Variants in GNB4 observed in about 807,000 individuals in gnomAD.
The protein encoded by GNB4 is G protein subunit beta 4, also known as guanine nucleotide-binding protein subunit beta-4.
A neutral mutation model predicts 45.2 loss-of-function variants in GNB4; 28 were observed. The observed-to-expected ratio is 0.62, with a 90% confidence interval of 0.46 to 0.85. The LOEUF (loss-of-function observed/expected upper bound fraction) is 0.85, where lower values mean the gene tolerates loss of function less well. Ranked by LOEUF, GNB4 falls within the 40% of genes least tolerant of loss-of-function variation. GNB4 has a pLI of 0.00. For missense variants in GNB4, 321 were observed against 425.4 expected, an observed-to-expected ratio of 0.75 and a Z score of 2.16; for synonymous variants, 132 against 143.7, an observed-to-expected ratio of 0.92 and a Z score of 0.58.
the GNB4 span, among the ~76,000 whole-genome samples, chr3:179,480,995 C>T: frequency 4.0e-5 from 6 of 151,764 alleles, no homozygotes; most frequent in East Asian, 1.9e-4. Context: ...GGATTACAGG[C>T]GCCCGCCACC....
chr3:179,464,481 G>A, the GNB4 span: 1 of 1,611,224 alleles, frequency 6.2e-7, no homozygotes, highest in Non-Finnish European at 8.5e-7. Context: ...AAGGAAACTG[G>A]CCCAGCAGAT....
intron 1 of GNB4, among the ~76,000 whole-genome samples, chr3:179,447,118 A>G (rs980104538): frequency 2.6e-5 from 4 of 152,156 alleles, no homozygotes; most frequent in African/African-American, 9.7e-5. Context: ...GCTATTTTCA[A>G]ATAAATTAAG....
the GNB4 span, among the ~76,000 whole-genome samples, chr3:179,523,420 T>C: frequency 6.6e-6 from 1 of 152,094 alleles, no homozygotes; most frequent in Non-Finnish European, 1.5e-5. Context: ...CAGAACAGAA[T>C]AATGGGTTGT....
intron 8 of GNB4, among the ~76,000 whole-genome samples, chr3:179,413,190 A>G (rs780149819): frequency 6.6e-6 from 1 of 152,084 alleles, no homozygotes; most frequent in Non-Finnish European, 1.5e-5. Flanking sequence ...AAACAAAAAA[A>G]TAACAACAAA....
At chr3:179,438,136 C>T (rs1300498266) in intron 1 of GNB4, among the ~76,000 whole-genome samples, 4 of 152,152 alleles carry the variant, frequency 2.6e-5, no homozygotes, top group Non-Finnish European at 5.9e-5. Flanking sequence ...AGGAGTTAGC[C>T]AACTAAGAGA....
chr3:179,463,117 T>C, the GNB4 span, among the ~76,000 whole-genome samples: 1 of 152,330 alleles, frequency 6.6e-6, no homozygotes, highest in Non-Finnish European at 1.5e-5. Context: ...GTTCAATTAC[T>C]GGAAGGAGTT....
the GNB4 span, chr3:179,464,732 C>A: frequency 1.8e-6 from 2 of 1,084,052 alleles, no homozygotes; most frequent in Non-Finnish European, 1.4e-6. Context: ...TAGATGGCCT[C>A]CTTGTTCAGC....
chr3:179,447,995 C>T (rs949714352), intron 1 of GNB4, among the ~76,000 whole-genome samples: 1 of 152,106 alleles, frequency 6.6e-6, no homozygotes, highest in Non-Finnish European at 1.5e-5. Context: ...TATCTGTTGC[C>T]TGTGTCAAAT....
chr3:179,450,733 G>C (rs533439041), intron 1 of GNB4, among the ~76,000 whole-genome samples: 23 of 152,312 alleles, frequency 1.5e-4, no homozygotes, highest in African/African-American at 5.3e-4. Context: ...GTGTTCTGAA[G>C]CAGAAAAAGG....
At chr3:179,482,862 GC>G in the GNB4 span, among the ~76,000 whole-genome samples, 1 of 152,142 alleles carries the variant, frequency 6.6e-6, no homozygotes, top group Admixed American at 6.5e-5. Context: ...TATGAAGTTA[GC>G]CCTGAGAAAT....
the GNB4 span, among the ~76,000 whole-genome samples, chr3:179,519,427 T>C: frequency 1.7e-4 from 26 of 152,312 alleles, no homozygotes; most frequent in Middle Eastern, 3.4e-3. Flanking sequence ...CCATCCCCTT[T>C]TTAATCAATA....
chr3:179,407,150 G>A (rs531789329), intron 8 of GNB4, among the ~76,000 whole-genome samples: 39 of 152,244 alleles, frequency 2.6e-4, no homozygotes, highest in African/African-American at 9.4e-4. Context: ...ACGAAGGAGC[G>A]TGCCTCTGAG....
chr3:179,465,797 TTC>T, the GNB4 span, among the ~76,000 whole-genome samples: 2 of 52,308 alleles, frequency 3.8e-5, no homozygotes, highest in African/African-American at 5.8e-5. Context: ...GATAATTTTT[TTC>T]TTCTTCTTCT....
At chr3:179,521,724 G>A in the GNB4 span, among the ~76,000 whole-genome samples, 2 of 151,996 alleles carry the variant, frequency 1.3e-5, no homozygotes, top group Non-Finnish European at 1.5e-5. Context: ...ACCTACTTAG[G>A]CACTCTCTAA....
chr3:179,409,139 A>G (rs1437253881), intron 8 of GNB4, among the ~76,000 whole-genome samples: 1 of 151,962 alleles, frequency 6.6e-6, no homozygotes, highest in East Asian at 1.9e-4. Flanking sequence ...AAAAAAAAAA[A>G]AAAATTATGG....
chr3:179,459,236 A>G, the GNB4 span, among the ~76,000 whole-genome samples: 1 of 151,602 alleles, frequency 6.6e-6, no homozygotes, highest in Non-Finnish European at 1.5e-5. Flanking sequence ...GAGTGTGCTC[A>G]CTGTGCAAAT....
the GNB4 span, among the ~76,000 whole-genome samples, chr3:179,507,287 C>A: frequency 6.6e-6 from 1 of 152,022 alleles, no homozygotes; most frequent in African/African-American, 2.4e-5. Flanking sequence ...CTGATCTTTT[C>A]AAAATGAGAT....
intron 1 of GNB4, among the ~76,000 whole-genome samples, chr3:179,430,020 ATAAC>A (rs543992543): frequency 2.4e-4 from 36 of 152,242 alleles, no homozygotes; most frequent in Middle Eastern, 3.4e-3. Flanking sequence ...CTATACATAC[ATAAC>A]TGACTCATAT....
At chr3:179,470,544 AT>A in the GNB4 span, among the ~76,000 whole-genome samples, 5 of 149,980 alleles carry the variant, frequency 3.3e-5, no homozygotes, top group Admixed American at 1.3e-4. Flanking sequence ...AAAGAAAAAA[AT>A]ATATATATAT....
Sources: allele counts gnomAD v4.1 joint callset (sites outside exome capture counted in the v4.1 genomes callset), GRCh38; gene constraint gnomAD v4.1.1; transcripts MANE v1.5; gene names NCBI Gene and HGNC (gene_info 2026-07-23, HGNC 2026-07-21).